The following RBM46 variants were observed in gnomAD, a reference collection of about 807,000 sequenced individuals.
RBM46 encodes probable RNA-binding protein 46.
In RBM46, 12 loss-of-function variants were observed where a neutral mutation model predicts 43.3. The ratio of observed to expected loss-of-function variants is 0.28; its 90% CI spans 0.18 to 0.45. The LOEUF (loss-of-function observed/expected upper bound fraction) is 0.45. Among genes scored for constraint, RBM46 ranks in the 20% least tolerant of loss-of-function variants. The probability of loss-of-function intolerance (pLI) is 1.00; values close to 1 mark genes in which losing one functional copy is unlikely to be tolerated. For missense variants in RBM46, 412 were observed against 639.1 expected (o/e 0.64, Z 3.83); for synonymous variants, 205 against 207.6 (o/e 0.99, Z 0.11).
At chr4:154,815,602 A>G (rs1485024157) in intron 4 of RBM46, among the ~76,000 whole-genome samples, 1 of 151,960 alleles carries the variant, frequency 6.6e-6, no homozygotes, top group African/African-American at 2.4e-5. Context: ...ACGCTATTGT[A>G]TTGGTGAAGT....
intron 4 of RBM46, among the ~76,000 whole-genome samples, chr4:154,811,475 A>T (rs981769438): frequency 6.6e-6 from 1 of 152,186 alleles, no homozygotes; most frequent in African/African-American, 2.4e-5. Context: ...TATATATACT[A>T]AGTACCATGT....
intron 1 of RBM46, among the ~76,000 whole-genome samples, chr4:154,784,777 T>C (rs1733677987): frequency 6.6e-6 from 1 of 152,222 alleles, no homozygotes; most frequent in South Asian, 2.1e-4. Flanking sequence ...CTTTGTAGTG[T>C]GACTTCACAC....
intron 1 of RBM46, among the ~76,000 whole-genome samples, chr4:154,796,001 A>G (rs1734333326): frequency 6.6e-6 from 1 of 152,016 alleles, no homozygotes; most frequent in East Asian, 1.9e-4. Context: ...CTACACACAC[A>G]CAAAATAAAA....
At chr4:154,782,406 C>T (rs1415211843) in intron 1 of RBM46, among the ~76,000 whole-genome samples, 2 of 152,180 alleles carry the variant, frequency 1.3e-5, no homozygotes, top group African/African-American at 2.4e-5. Flanking sequence ...GATAAATTCC[C>T]CGTAACCTTT....
At chr4:154,799,978 A>G (rs1003547279) in intron 4 of RBM46, among the ~76,000 whole-genome samples, 3 of 151,914 alleles carry the variant, frequency 2.0e-5, no homozygotes, top group Non-Finnish European at 2.9e-5. Context: ...TCACTGTGTT[A>G]GCTAGGATGG....
chr4:154,821,236 A>G (rs1389854641), intron 4 of RBM46, among the ~76,000 whole-genome samples: 1 of 151,828 alleles, frequency 6.6e-6, no homozygotes, highest in East Asian at 1.9e-4. Flanking sequence ...TAAAAATTCA[A>G]ATAAGTGATA....
At chr4:154,811,671 G>GTGTGTGTGTC (rs1173337806) in intron 4 of RBM46, among the ~76,000 whole-genome samples, 1 of 136,408 alleles carries the variant, frequency 7.3e-6, no homozygotes, top group African/African-American at 3.0e-5. Flanking sequence ...GTGTGTGTCT[G>GTGTGTGTGTC]TGTGTGTGTG....
chr4:154,809,133 ATATAC>A (rs1735056046), intron 4 of RBM46, among the ~76,000 whole-genome samples: 1 of 151,990 alleles, frequency 6.6e-6, no homozygotes, highest in Admixed American at 6.6e-5. Context: ...TTTCTCACTA[ATATAC>A]TAGTGTTCTA....
At chr4:154,794,882 T>C (rs891934321) in intron 1 of RBM46, among the ~76,000 whole-genome samples, 2 of 144,178 alleles carry the variant, frequency 1.4e-5, no homozygotes, top group Non-Finnish European at 3.1e-5. Context: ...TTACCTCTTA[T>C]TATTTGCTTT....
intron 4 of RBM46, among the ~76,000 whole-genome samples, chr4:154,811,801 C>A (rs557744756): frequency 6.6e-6 from 1 of 152,058 alleles, no homozygotes; most frequent in South Asian, 2.1e-4. Flanking sequence ...CTGCCTCAGC[C>A]TCCCGAGTAG....
chr4:154,794,177 CTTTTTTT>C (rs58437982), intron 1 of RBM46, among the ~76,000 whole-genome samples: 3 of 115,760 alleles, frequency 2.6e-5, no homozygotes, highest in African/African-American at 7.6e-5. Context: ...GTAGTAATCA[CTTTTTTT>C]TTTTTTTTTT....
At position 154,813,606 on chromosome 4, in the gene RBM46, A is replaced by G. The variant is rs534412374; in HGVS notation, c.1402+14042A>G. Among the ~76,000 whole-genome samples the G allele has an allele frequency of 1.2e-4, 18 of 152,204 alleles. 1 individual carries two copies. The South Asian group carries it at 2.7e-3, about 23-fold the overall frequency. ...TCCACAGTTATATCTAGCATAATCT[A>G]TAACGTTTGATCAAGGCTTCACAAA... On this transcript the variant is annotated intron_variant, in intron 4 of 4. Coordinates refer to ENST00000281722, the MANE Select transcript of RBM46 (RefSeq NM_144979.5).
At chr4:154,822,699 T>G (rs156566) in intron 4 of RBM46, among the ~76,000 whole-genome samples, 1 of 151,436 alleles carries the variant, frequency 6.6e-6, no homozygotes, top group Non-Finnish European at 1.5e-5. Flanking sequence ...GGATTTTTTT[T>G]AAAAAAATTT....
chr4:154,788,593 TA>T (rs1325017397), intron 1 of RBM46, among the ~76,000 whole-genome samples: 1 of 151,570 alleles, frequency 6.6e-6, no homozygotes, highest in African/African-American at 2.4e-5. Flanking sequence ...ACTGTGGCCT[TA>T]TATAGTTTGA....
chr4:154,797,016 G>A, intron 2 of RBM46, 113 bp downstream of exon 2: 2 of 781,910 alleles, frequency 2.6e-6, no homozygotes. Context: ...ACTGCTTTAA[G>A]ACATTTTTTT....
chr4:154,822,656 A>G (rs1360343972), intron 4 of RBM46, among the ~76,000 whole-genome samples: 3 of 151,724 alleles, frequency 2.0e-5, no homozygotes, highest in Non-Finnish European at 4.4e-5. Flanking sequence ...ATTGAATGTT[A>G]GAAATTGAAA....
chr4:154,804,911 A>G (rs1312533769), intron 4 of RBM46, among the ~76,000 whole-genome samples: 1 of 151,780 alleles, frequency 6.6e-6, no homozygotes, highest in African/African-American at 2.4e-5. Flanking sequence ...GATAAATAAA[A>G]CATTGTTTTT....
rs189996974 is a variant in RBM46 at position 154,816,958 on chromosome 4, A to G, written c.1403-10910A>G. On this transcript the variant is annotated intron_variant, in intron 4 of 4. Coordinates refer to ENST00000281722, the MANE Select transcript of RBM46 (RefSeq NM_144979.5). Reference sequence around the variant, plus strand: ...TTTTGTCTTTTATTCTTTTAATGCAATAAGTTGCATTGATTGATATTTGAA... The same window carrying G: ...TTTTGTCTTTTATTCTTTTAATGCAGTAAGTTGCATTGATTGATATTTGAA... Among the ~76,000 whole-genome samples, 245 of 152,258 alleles carry G rather than the reference A, an allele frequency of 1.6e-3. 1 individual carries two copies. The highest frequency in any genetic ancestry group is 2.6e-3 in the Admixed American group (39 of 15,290).
intron 4 of RBM46, among the ~76,000 whole-genome samples, chr4:154,825,383 T>C (rs552434105): frequency 6.6e-6 from 1 of 152,324 alleles, no homozygotes; most frequent in South Asian, 2.1e-4. Context: ...ATTTCATTCA[T>C]TGAAGTTTGG....
Sources: allele counts gnomAD v4.1 joint callset (sites outside exome capture counted in the v4.1 genomes callset), GRCh38; gene constraint gnomAD v4.1.1; transcripts MANE v1.5; gene names NCBI Gene and HGNC (gene_info 2026-07-23, HGNC 2026-07-21).